PRKG1: variants seen among roughly 807,000 people sequenced by gnomAD.
The protein encoded by PRKG1 is cGMP-dependent protein kinase 1.
In PRKG1, 35 loss-of-function variants were observed where a neutral mutation model predicts 88.1. That is an observed-to-expected ratio of 0.40 (90% CI 0.30 to 0.53). The LOEUF (loss-of-function observed/expected upper bound fraction) is 0.53. PRKG1 is among the 20% of genes least tolerant of loss of function. PRKG1 has a pLI of 0.59. For synonymous variants in PRKG1, 303 were observed against 292.5 expected, an observed-to-expected ratio of 1.04 and a Z score of -0.37; for missense variants, 540 against 839.8, an observed-to-expected ratio of 0.64 and a Z score of 4.41.
intron 2 of PRKG1, among the ~76,000 whole-genome samples, chr10:51,232,705 G>A (rs1405720767): frequency 6.6e-6 from 1 of 152,124 alleles, no homozygotes; most frequent in Non-Finnish European, 1.5e-5. Context: ...CACAGTTTCT[G>A]GAATATATGA....
At chr10:51,690,926 C>CAAAAAAAAAAAAAAAAAAAAAAAAAA (rs942329676) in intron 3 of PRKG1, among the ~76,000 whole-genome samples, 1 of 37,726 alleles carries the variant, frequency 2.7e-5, no homozygotes, top group Non-Finnish European at 5.6e-5. Context: ...GACTCTGTCT[C>CAAAAAAAAAAAAAAAAAAAAAAAAAA]AAAAAAAAAA....
intron 5 of PRKG1, among the ~76,000 whole-genome samples, chr10:51,931,676 C>T (rs1042228490): frequency 6.6e-6 from 1 of 152,086 alleles, no homozygotes; most frequent in South Asian, 2.1e-4. Context: ...CTCAGTTGTA[C>T]TAGGGCAAGT....
At chr10:51,687,789 C>T (rs1841031214) in intron 3 of PRKG1, among the ~76,000 whole-genome samples, 1 of 152,150 alleles carries the variant, frequency 6.6e-6, no homozygotes, top group South Asian at 2.1e-4. Context: ...TTCAATACAA[C>T]TTCTTCTCCA....
At chr10:52,216,774 T>G (rs759190523) in intron 9 of PRKG1, among the ~76,000 whole-genome samples, 4 of 152,224 alleles carry the variant, frequency 2.6e-5, no homozygotes, top group Non-Finnish European at 5.9e-5. Context: ...GAGAATTAAA[T>G]GGATCAAAAT....
chr10:51,010,945 A>G (rs1444954609), intron 1 of PRKG1, among the ~76,000 whole-genome samples: 1 of 152,228 alleles, frequency 6.6e-6, no homozygotes, highest in Non-Finnish European at 1.5e-5. Context: ...CTAGGCTTAG[A>G]TAATATGTAC....
chr10:51,735,795 T>C (rs1267605204), intron 3 of PRKG1, among the ~76,000 whole-genome samples: 1 of 150,266 alleles, frequency 6.7e-6, no homozygotes, highest in African/African-American at 2.4e-5. Context: ...AATTTTTTTT[T>C]CAAATGTTTT....
chr10:51,909,106 G>T (rs1260573630), intron 5 of PRKG1: 1 of 152,180 alleles, frequency 6.6e-6, no homozygotes, highest in Non-Finnish European at 1.5e-5. Flanking sequence ...AGAAAGAGAG[G>T]AATCAAGGGG....
intron 5 of PRKG1, among the ~76,000 whole-genome samples, chr10:52,023,711 CTT>C (rs1302810294): frequency 1.3e-5 from 2 of 152,220 alleles, no homozygotes; most frequent in Admixed American, 1.3e-4. Flanking sequence ...GCATAAATGT[CTT>C]CTTTTGAGAA....
intron 3 of PRKG1, among the ~76,000 whole-genome samples, chr10:51,686,189 T>C (rs1184165427): frequency 6.6e-6 from 1 of 151,842 alleles, no homozygotes; most frequent in East Asian, 1.9e-4. Flanking sequence ...CATGTGTAGG[T>C]TTGTTATACA....
intron 1 of PRKG1, among the ~76,000 whole-genome samples, chr10:51,024,785 A>C (rs915709628): frequency 6.6e-6 from 1 of 152,110 alleles, no homozygotes; most frequent in African/African-American, 2.4e-5. Flanking sequence ...GGTACGACAC[A>C]CTTTTAAGCA....
intron 3 of PRKG1, among the ~76,000 whole-genome samples, chr10:51,478,645 G>A (rs565247255): frequency 4.0e-5 from 6 of 148,696 alleles, no homozygotes; most frequent in Admixed American, 2.0e-4. Flanking sequence ...AATACTGTGA[G>A]GCAAAAATCT....
chr10:51,740,353 A>G (rs1837401040), intron 3 of PRKG1, among the ~76,000 whole-genome samples: 1 of 152,218 alleles, frequency 6.6e-6, no homozygotes, highest in African/African-American at 2.4e-5. Context: ...AATGTGGGTT[A>G]TAGCTATTGC....
chr10:51,407,129 C>T (rs1347419078), intron 2 of PRKG1, among the ~76,000 whole-genome samples: 2 of 152,264 alleles, frequency 1.3e-5, no homozygotes, highest in East Asian at 3.9e-4. Flanking sequence ...CCCATTGACT[C>T]AAAGGTTAAT....
chr10:51,363,692 G>A (rs1160083162), intron 2 of PRKG1, among the ~76,000 whole-genome samples: 2 of 151,862 alleles, frequency 1.3e-5, no homozygotes, highest in African/African-American at 4.8e-5. Flanking sequence ...GGTGGTAGGA[G>A]TCGTGAGTCT....
intron 2 of PRKG1, among the ~76,000 whole-genome samples, chr10:51,384,358 GC>G (rs1331990321): frequency 6.6e-6 from 1 of 152,130 alleles, no homozygotes; most frequent in Non-Finnish European, 1.5e-5. Flanking sequence ...TCCCATAGGA[GC>G]CTGAGACCTC....
chr10:51,022,714 A>G (rs921996041), intron 1 of PRKG1, among the ~76,000 whole-genome samples: 3 of 152,234 alleles, frequency 2.0e-5, no homozygotes, highest in African/African-American at 7.2e-5. Context: ...AATTAGAAAA[A>G]AAAGATCCTT....
intron 7 of PRKG1, among the ~76,000 whole-genome samples, chr10:52,117,164 C>CTGTGTGTGTGTG (rs71459438): frequency 0.048 from 6,677 of 139,184 alleles, 257 homozygotes; most frequent in East Asian, 0.096. Context: ...TGTGAAATAT[C>CTGTGTGTGTGTG]TGTGTGTGTG....
chr10:52,073,166 G>T (rs994752799), intron 7 of PRKG1, among the ~76,000 whole-genome samples: 2 of 152,048 alleles, frequency 1.3e-5, no homozygotes, highest in Admixed American at 6.6e-5. Flanking sequence ...TTCCCTCTGC[G>T]TGTGCCTCTG....
chr10:52,019,231 C>T (rs1198469548), intron 5 of PRKG1, among the ~76,000 whole-genome samples: 1 of 152,134 alleles, frequency 6.6e-6, no homozygotes, highest in African/African-American at 2.4e-5. Flanking sequence ...CCAAACACCT[C>T]CCATTATGCT....
Sources: allele counts gnomAD v4.1 joint callset (sites outside exome capture counted in the v4.1 genomes callset), GRCh38; gene constraint gnomAD v4.1.1; transcripts MANE v1.5; gene names NCBI Gene and HGNC (gene_info 2026-07-23, HGNC 2026-07-21).